Variants in DPYD observed in about 807,000 individuals in gnomAD.
DPYD encodes dihydropyrimidine dehydrogenase.
In DPYD, 109 loss-of-function variants were observed where a neutral mutation model predicts 116.2. That is an observed-to-expected ratio of 0.94 (90% CI 0.80 to 1.10). The LOEUF (loss-of-function observed/expected upper bound fraction) is 1.10, where lower values mean the gene tolerates loss of function less well. DPYD is among the 50% of genes least tolerant of loss of function. The probability of loss-of-function intolerance (pLI) is 0.00; values close to 1 mark genes in which losing one functional copy is unlikely to be tolerated. For missense variants in DPYD, 1,302 were observed against 1,254.5 expected (o/e 1.04, Z -0.57); for synonymous variants, 440 against 432.0 (o/e 1.02, Z -0.23).
intron 10 of DPYD, among the ~76,000 whole-genome samples, chr1:97,581,316 G>C (rs1444152744): frequency 1.0e-5 from 1 of 99,054 alleles, no homozygotes; most frequent in Admixed American, 1.6e-4. Flanking sequence ...GACAGAGCGA[G>C]ACTCAGTCTC....
chr1:97,668,939 A>G (rs1175261556), intron 8 of DPYD, among the ~76,000 whole-genome samples: 2 of 152,204 alleles, frequency 1.3e-5, no homozygotes, highest in Non-Finnish European at 2.9e-5. Context: ...CTCATAATGG[A>G]TGTATTAATA....
intron 1 of DPYD, among the ~76,000 whole-genome samples, chr1:97,913,904 G>A (rs1266783818): frequency 6.6e-6 from 1 of 151,948 alleles, no homozygotes; most frequent in Admixed American, 6.6e-5. Context: ...ATATAAATCA[G>A]GCCTGGAGTT....
chr1:97,883,418 G>A, intron 1 of DPYD, 44 bp from the exon 2 acceptor site: 1 of 1,325,570 alleles, frequency 7.5e-7, no homozygotes, highest in East Asian at 2.3e-5. Flanking sequence ...GAAATATGTT[G>A]GCATTTGTTT....
chr1:97,252,595 G>C (rs1404646843), intron 18 of DPYD, among the ~76,000 whole-genome samples: 2 of 152,150 alleles, frequency 1.3e-5, no homozygotes, highest in East Asian at 1.9e-4. Flanking sequence ...GGCAGAGCTA[G>C]AGCATGGTTT....
chr1:97,113,066 G>A (rs1404639469), intron 20 of DPYD, among the ~76,000 whole-genome samples: 1 of 152,082 alleles, frequency 6.6e-6, no homozygotes, highest in Non-Finnish European at 1.5e-5. Flanking sequence ...TCTTAAGAGT[G>A]GTTTTCAGAA....
At chr1:97,116,541 A>C (rs1651978799) in intron 20 of DPYD, among the ~76,000 whole-genome samples, 1 of 151,974 alleles carries the variant, frequency 6.6e-6, no homozygotes, top group Admixed American at 6.6e-5. Context: ...GTGTGGTGGC[A>C]TGCACCTGTA....
intron 3 of DPYD, among the ~76,000 whole-genome samples, chr1:97,825,708 G>A (rs370612922): frequency 4.0e-4 from 61 of 151,544 alleles, no homozygotes; most frequent in East Asian, 9.8e-4. Context: ...CCAACATGGC[G>A]CATGTATACA....
At chr1:97,757,399 C>T (rs1665308567) in intron 3 of DPYD, among the ~76,000 whole-genome samples, 1 of 152,070 alleles carries the variant, frequency 6.6e-6, no homozygotes, top group South Asian at 2.1e-4. Flanking sequence ...CATTTGGAGG[C>T]TCTGAAAGAA....
intron 4 of DPYD, among the ~76,000 whole-genome samples, chr1:97,727,092 T>A (rs544703068): frequency 6.6e-6 from 1 of 151,770 alleles, no homozygotes; most frequent in African/African-American, 2.4e-5. Flanking sequence ...TGTGTATGTT[T>A]ATTTTTTTGA....
chr1:97,702,684 A>G (rs1358446094), intron 5 of DPYD, among the ~76,000 whole-genome samples: 2 of 151,994 alleles, frequency 1.3e-5, no homozygotes, highest in Non-Finnish European at 2.9e-5. Flanking sequence ...TTCACTCATA[A>G]GCAAGAAATA....
chr1:97,333,150 G>A (rs2101171933), intron 16 of DPYD, among the ~76,000 whole-genome samples: 1 of 149,528 alleles, frequency 6.7e-6, no homozygotes, highest in African/African-American at 2.5e-5. Context: ...CCGCCTCCCT[G>A]GTTTTCAAGC....
At chr1:97,323,341 T>C (rs1245254512) in intron 16 of DPYD, among the ~76,000 whole-genome samples, 1 of 106,640 alleles carries the variant, frequency 9.4e-6, no homozygotes, top group Non-Finnish European at 1.9e-5. Context: ...TACACGTATA[T>C]ATACATGTGT....
At chr1:97,206,599 T>G (rs1156677714) in intron 19 of DPYD, among the ~76,000 whole-genome samples, 1 of 137,122 alleles carries the variant, frequency 7.3e-6, no homozygotes, top group Non-Finnish European at 1.6e-5. Context: ...TGACCACTAC[T>G]ACGAAGGCAA....
chr1:97,284,659 T>G (rs1665548613), intron 18 of DPYD, among the ~76,000 whole-genome samples: 1 of 152,156 alleles, frequency 6.6e-6, no homozygotes, highest in Admixed American at 6.5e-5. Context: ...TATTCATTAT[T>G]CTGCTCCCCC....
chr1:97,691,557 A>C, intron 7 of DPYD, 160 bp downstream of exon 7: 1 of 624,208 alleles, frequency 1.6e-6, no homozygotes, highest in South Asian at 1.9e-5. Context: ...GACAGTAGAC[A>C]GACAAATGCC....
At chr1:97,756,696 T>C (rs950221976) in intron 3 of DPYD, among the ~76,000 whole-genome samples, 1 of 152,134 alleles carries the variant, frequency 6.6e-6, no homozygotes, top group African/African-American at 2.4e-5. Context: ...TATTAATCTG[T>C]TCTCCCAGCA....
At chr1:97,309,842 TTCTAGTAACTAC>T (rs1326546056) in intron 16 of DPYD, among the ~76,000 whole-genome samples, 1 of 151,826 alleles carries the variant, frequency 6.6e-6, no homozygotes, top group Non-Finnish European at 1.5e-5. Context: ...TAATTTTTAA[TTCTAGTAACTAC>T]TCTGTATTTA....
chr1:97,145,031 A>G (rs1449959570), intron 20 of DPYD, among the ~76,000 whole-genome samples: 1 of 152,168 alleles, frequency 6.6e-6, no homozygotes, highest in Non-Finnish European at 1.5e-5. Context: ...AGTGTGCACT[A>G]CTAATAGGAG....
At chr1:97,180,328 G>GAGC (rs1657561213) in intron 20 of DPYD, among the ~76,000 whole-genome samples, 1 of 152,082 alleles carries the variant, frequency 6.6e-6, no homozygotes, top group Admixed American at 6.6e-5. Context: ...TTATTCAAGT[G>GAGC]AGCAGATGGG....
Sources: gnomAD v4.1 joint callset for allele counts (sites outside exome capture counted in the v4.1 genomes callset) on GRCh38, gnomAD v4.1.1 for gene constraint, MANE v1.5 for transcripts, NCBI Gene and HGNC (gene_info 2026-07-23, HGNC 2026-07-21) for gene names.